The following ALAS1 variants were observed in gnomAD, a reference collection of about 807,000 sequenced individuals.
ALAS1 encodes 5-aminolevulinate synthase, non-specific, mitochondrial.
In ALAS1, 29 loss-of-function variants were observed where a neutral mutation model predicts 59.6. The ratio of observed to expected loss-of-function variants is 0.49; its 90% CI spans 0.36 to 0.66. The LOEUF (loss-of-function observed/expected upper bound fraction) is 0.66. Ranked by LOEUF, ALAS1 falls within the 30% of genes least tolerant of loss-of-function variation. The pLI, the probability that ALAS1 is intolerant of heterozygous loss-of-function variation, is 0.00. For synonymous variants in ALAS1, 299 were observed against 296.6 expected, an observed-to-expected ratio of 1.01 and a Z score of -0.08; for missense variants, 690 against 807.5, an observed-to-expected ratio of 0.85 and a Z score of 1.76.
At chr3:52,210,979 TACA>T (rs561610222) in intron 9 of ALAS1, among the ~76,000 whole-genome samples, 13 of 152,304 alleles carry the variant, frequency 8.5e-5, no homozygotes, top group African/African-American at 3.1e-4. Flanking sequence ...TGCAAACCTG[TACA>T]ACATGTTACT....
chr3:52,212,016 G>T (rs544170354), intron 10 of ALAS1, among the ~76,000 whole-genome samples: 2 of 152,328 alleles, frequency 1.3e-5, no homozygotes, highest in Non-Finnish European at 2.9e-5. Context: ...CAGAACCAGT[G>T]TTTTCTGATT....
rs752901209 is a variant in ALAS1, at chr3:52,205,913, A to C, written c.875A>C (p.Asp292Ala). 4 of 1,614,174 alleles carry C rather than the reference A, an allele frequency of 2.5e-6. No individual in the cohort carries two copies. The highest frequency in any genetic ancestry group is 2.5e-6 in the Non-Finnish European group (3 of 1,180,022). ...NISGTSKFHVDLERELADLHG... is the reference protein window; with the variant it reads ...NISGTSKFHVALERELADLHG... ...TCTGGAACTAGTAAATTCCATGTGG[A>C]CTTAGAGCGGGAGCTGGCAGACCTC... Residue 292 changes from aspartate (D) to alanine (A), a missense_variant, in exon 7 of 12, where the codon GAC becomes GCC. Asp to Ala is a moderately radical substitution (Grantham distance 126). Transcript: ENST00000484952.
intron 2 of ALAS1, 118 bp downstream of exon 2, chr3:52,198,966 C>A: frequency 1.3e-6 from 1 of 767,564 alleles, no homozygotes; most frequent in Non-Finnish European, 1.9e-6. Flanking sequence ...TGTCAGTATT[C>A]ATTTGGTGAA....
At chr3:52,213,202 C>G (rs939272890) in intron 11 of ALAS1, among the ~76,000 whole-genome samples, 18 of 152,236 alleles carry the variant, frequency 1.2e-4, no homozygotes, top group African/African-American at 4.1e-4. Context: ...CTATACTGCT[C>G]CACCCATGTC....
rs1699424730 is a variant in ALAS1, at chr3:52,212,253, C to T, written c.1600-5C>T. The T allele has an allele frequency of 3.1e-6, 5 of 1,612,474 alleles. No individual in the cohort carries two copies. The highest frequency in any genetic ancestry group is 4.2e-6 in the Non-Finnish European group (5 of 1,179,086). On this transcript the variant is annotated splice_region_variant and splice_polypyrimidine_tract_variant and intron_variant, in intron 10 of 11. Coordinates refer to ENST00000484952, the MANE Select transcript of ALAS1 (RefSeq NM_000688.6). ...GACCTTACCTTCTGCTCTCATTGAA[C>T]TTAGGTTGCAGATGCTGCTAAAAAC...
chr3:52,208,291 A>G, intron 9 of ALAS1, 44 bp downstream of exon 9: 2 of 1,605,532 alleles, frequency 1.2e-6, no homozygotes, highest in Non-Finnish European at 1.7e-6. Flanking sequence ...CCATTATCCT[A>G]ACAAGGCCAA....
intron 9 of ALAS1, among the ~76,000 whole-genome samples, chr3:52,208,978 C>T (rs1358569174): frequency 6.6e-6 from 1 of 152,094 alleles, no homozygotes; most frequent in African/African-American, 2.4e-5. Flanking sequence ...TTTTTTAAGC[C>T]TTCAGAAGTG....
intron 8 of ALAS1, among the ~76,000 whole-genome samples, chr3:52,207,379 G>A (rs1223277782): frequency 1.3e-5 from 2 of 151,880 alleles, no homozygotes; most frequent in African/African-American, 2.4e-5. Flanking sequence ...CTTGTGATCC[G>A]CCCACCTTGG....
chr3:52,200,156 G>T (rs1018716038), intron 3 of ALAS1, among the ~76,000 whole-genome samples: 15 of 152,030 alleles, frequency 9.9e-5, no homozygotes, highest in African/African-American at 3.4e-4. Flanking sequence ...TTTCTTAAAA[G>T]TTTTTGTTCT....
At position 52,208,092 on chromosome 3, in the gene ALAS1, G is replaced by A; in HGVS notation, c.1175G>A (p.Cys392Tyr). 6.3e-7 allele frequency: 1 copy of A among 1,575,456 alleles called. No individual in the cohort carries two copies. The highest frequency in any genetic ancestry group is 8.6e-7 in the Non-Finnish European group (1 of 1,162,564). ...TCTGGTCTTTCCTCAGGGGCGGTGT[G>A]CCCACTGGAAGAGCTGTGTGATGTG... ...ETVHSMDGAV[C>Y]PLEELCDVAH... The change falls in exon 9 of 12, where the codon TGC becomes TAC. Residue 392 changes from cysteine (C) to tyrosine (Y), a missense_variant. By Grantham distance (194) the Cys-to-Tyr change is radical (BLOSUM62 -2). Coordinates refer to ENST00000484952, the MANE Select transcript of ALAS1 (RefSeq NM_000688.6).
intron 10 of ALAS1, 50 bp downstream of exon 10, chr3:52,211,601 T>C: frequency 6.2e-7 from 1 of 1,600,812 alleles, no homozygotes; most frequent in Non-Finnish European, 8.5e-7. Flanking sequence ...CCTCTACACA[T>C]GATGTACGGA....
chr3:52,212,310 A>G lies in ALAS1; in HGVS notation c.1652A>G (p.His551Arg). The G allele has an allele frequency of 6.2e-7, 1 of 1,614,158 alleles. No homozygotes were observed. The highest frequency in any genetic ancestry group is 2.2e-5 in the East Asian group (1 of 44,880). Residue 551 changes from histidine to arginine, a missense_variant, in exon 11 of 12, where the codon CAT becomes CGT. By Grantham distance (29) the His-to-Arg change is conservative. Coordinates refer to ENST00000484952, the MANE Select transcript of ALAS1 (RefSeq NM_000688.6). ...TEVCDELMSRHNIYVQAINYP... is the reference protein window; with the variant it reads ...TEVCDELMSRRNIYVQAINYP... ...GTCTGTGATGAACTAATGAGCAGAC[A>G]TAACATCTACGTGCAAGCAATCAAT...
intron 3 of ALAS1, among the ~76,000 whole-genome samples, chr3:52,200,816 C>A (rs1699172509): frequency 6.6e-6 from 1 of 152,144 alleles, no homozygotes; most frequent in Admixed American, 6.5e-5. Context: ...CACTTAATCC[C>A]AGAGAATATT....
In ALAS1 at chr3:52,212,239, C is replaced by T. The variant is rs1285310191; in HGVS notation, c.1600-19C>T. ...GTCCTTCCTGTTGTGACCTTACCTT[C>T]TGCTCTCATTGAACTTAGGTTGCAG... is the stretch of plus-strand genomic sequence containing the variant. On this transcript the variant is annotated intron_variant, in intron 10 of 11. Transcript: ENST00000484952. 6.2e-7 allele frequency: 1 copy of T among 1,609,842 alleles called. No individual in the cohort carries two copies. The highest frequency in any genetic ancestry group is 8.5e-7 in the Non-Finnish European group (1 of 1,177,698).
intron 9 of ALAS1, among the ~76,000 whole-genome samples, chr3:52,210,651 G>A (rs182957480): frequency 1.0e-3 from 159 of 152,098 alleles, no homozygotes; most frequent in African/African-American, 3.6e-3. Context: ...GCATGGTGGT[G>A]TACACCTGTC....
chr3:52,206,838 T>A (rs1378324723), intron 8 of ALAS1, 87 bp downstream of exon 8: 6 of 1,467,996 alleles, frequency 4.1e-6, no homozygotes, highest in South Asian at 1.3e-5. Flanking sequence ...TTGTGTTTTT[T>A]AATTTTTTTT....
chr3:52,204,324 A>G (rs1277688467), intron 5 of ALAS1, among the ~76,000 whole-genome samples: 1 of 152,218 alleles, frequency 6.6e-6, no homozygotes. Context: ...TTCAAGGTTC[A>G]GTGAGCTATG....
intron 4 of ALAS1, among the ~76,000 whole-genome samples, chr3:52,203,062 A>G (rs1226357397): frequency 1.3e-5 from 2 of 152,160 alleles, no homozygotes. Context: ...ATAGAAAATA[A>G]TGGTTTTACT....
In ALAS1 at chr3:52,199,487, A is replaced by G. The variant is rs771803061; in HGVS notation, c.199+47A>G. On this transcript the variant is annotated intron_variant, in intron 3 of 11. Coordinates refer to ENST00000484952, the MANE Select transcript of ALAS1 (RefSeq NM_000688.6). ...GGAGCAGGTATGGGTGTTTGTGCTC[A>G]TTGGTAGACTAGAAGCAGTCCCCAC... 14 of 1,568,294 alleles carry G rather than the reference A, an allele frequency of 8.9e-6. No individual in the cohort carries two copies. The African/African-American group carries it at 1.8e-4, about 20-fold the overall frequency.
Sources: gnomAD v4.1 joint callset for allele counts (sites outside exome capture counted in the v4.1 genomes callset) on GRCh38, gnomAD v4.1.1 for gene constraint, MANE v1.5 for transcripts, NCBI Gene and HGNC (gene_info 2026-07-23, HGNC 2026-07-21) for gene names.